The following HNF4G variants were observed in gnomAD, a reference collection of about 807,000 sequenced individuals.
The protein encoded by HNF4G is hepatocyte nuclear factor 4-gamma.
HNF4G carries 21 observed loss-of-function variants against 50.9 expected under a neutral mutation model. The observed-to-expected ratio is 0.41, with a 90% CI of 0.29 to 0.59. HNF4G has a LOEUF of 0.59. Among genes scored for constraint, HNF4G ranks in the 20% least tolerant of loss-of-function variants. The pLI, the probability that HNF4G is intolerant of heterozygous loss-of-function variation, is 0.26. For synonymous variants in HNF4G, 198 were observed against 185.6 expected, an observed-to-expected ratio of 1.07 and a Z score of -0.54; for missense variants, 527 against 559.4, an observed-to-expected ratio of 0.94 and a Z score of 0.58.
At chr8:75,502,129 G>T (rs1027388370) in intron 2 of HNF4G, among the ~76,000 whole-genome samples, 1 of 152,104 alleles carries the variant, frequency 6.6e-6, no homozygotes, top group African/African-American at 2.4e-5. Flanking sequence ...GGGATTACAG[G>T]CGTGAGCCAC....
At chr8:75,442,494 A>G (rs1229021232) in intron 1 of HNF4G, among the ~76,000 whole-genome samples, 2 of 152,112 alleles carry the variant, frequency 1.3e-5, no homozygotes, top group East Asian at 3.9e-4. Context: ...GGATCACTGA[A>G]CCCCAGGAAG....
chr8:75,535,662 C>G (rs998611708), upstream of HNF4G, among the ~76,000 whole-genome samples: 25 of 151,754 alleles, frequency 1.6e-4, no homozygotes, highest in African/African-American at 6.0e-4. Flanking sequence ...ATTTTCTTAA[C>G]TCTATTTTAC....
At chr8:75,445,105 A>G (rs1200177304) in intron 1 of HNF4G, among the ~76,000 whole-genome samples, 20 of 145,678 alleles carry the variant, frequency 1.4e-4, no homozygotes, top group Admixed American at 8.3e-4. Context: ...CAATCAAACT[A>G]GAACTCAGGA....
intron 2 of HNF4G, 130 bp downstream of exon 2, chr8:75,544,109 A>G (rs1267148657): frequency 1.4e-6 from 1 of 723,728 alleles, no homozygotes; most frequent in Admixed American, 2.8e-5. Flanking sequence ...AAACTGCGGT[A>G]CAAGTAAGAA....
chr8:75,459,211 T>C (rs539081617), intron 1 of HNF4G, among the ~76,000 whole-genome samples: 1 of 152,304 alleles, frequency 6.6e-6, no homozygotes, highest in Non-Finnish European at 1.5e-5. Context: ...TAAAATTTAA[T>C]AGAATGTTAG....
At chr8:75,501,955 C>A (rs190799024) in intron 2 of HNF4G, among the ~76,000 whole-genome samples, 1 of 151,588 alleles carries the variant, frequency 6.6e-6, no homozygotes, top group African/African-American at 2.4e-5. Context: ...CGGGTTCAAG[C>A]GATTCTCCTG....
chr8:75,543,861 T>G lies in HNF4G; in HGVS notation c.169T>G (p.Cys57Gly). Residue 57 changes from cysteine to glycine, a missense_variant, in exon 2 of 10, where the codon TGT becomes GGT. Physicochemically the swap from Cys to Gly is radical, Grantham distance 159 (BLOSUM62 -3). Transcript: ENST00000396423. The part of the protein sequence containing the change: ...SMNTTDNGVN[C>G]LCAICGDRAT... ...GAATACCACAGACAACGGTGTCAAC[T>G]GTCTGTGTGCTATCTGTGGGGACAG... is the stretch of plus-strand genomic sequence containing the variant. The G allele has an allele frequency of 3.7e-6, 6 of 1,613,834 alleles. No individual in the cohort carries two copies. The highest frequency in any genetic ancestry group is 5.1e-6 in the Non-Finnish European group (6 of 1,179,828).
Position 75,563,994 on chromosome 8 carries a change from CCCTT to C in HNF4G, c.1269_1272del (p.Ser424HisfsTer12). On this transcript the variant is annotated frameshift_variant, in exon 10 of 10. Transcript: ENST00000396423. LOFTEE classifies it high-confidence loss of function. ...TTTCAGCAACTCCTGAAACCCCACT[CCCTT>C]CCCCACCACAAGGCTCTGGGCAAGA... 5 of 1,613,706 alleles carry C rather than the reference CCCTT, an allele frequency of 3.1e-6. No individual in the cohort carries two copies. The highest frequency in any genetic ancestry group is 4.2e-6 in the Non-Finnish European group (5 of 1,179,690).
intron 1 of HNF4G, among the ~76,000 whole-genome samples, chr8:75,454,483 A>T (rs970227927): frequency 6.6e-6 from 1 of 152,220 alleles, no homozygotes. Context: ...GTAAGCACAC[A>T]GTAGTCCACT....
chr8:75,545,239 A>ATGTGTGTGTGTGTGTGTG (rs57486410), intron 2 of HNF4G, among the ~76,000 whole-genome samples: 78 of 145,590 alleles, frequency 5.4e-4, no homozygotes, highest in African/African-American at 1.0e-3. Flanking sequence ...TTAAAATTGA[A>ATGTGTGTGTGTGTGTGTG]TGTGTGTGTG....
chr8:75,497,442 T>C (rs1261148876), intron 2 of HNF4G, among the ~76,000 whole-genome samples: 4 of 152,078 alleles, frequency 2.6e-5, no homozygotes, highest in Non-Finnish European at 4.4e-5. Context: ...TCCCAACACT[T>C]TGGGAGGCCG....
At chr8:75,512,581 C>T (rs1027085694) in intron 2 of HNF4G, among the ~76,000 whole-genome samples, 6 of 151,930 alleles carry the variant, frequency 3.9e-5, no homozygotes, top group African/African-American at 1.5e-4. Flanking sequence ...TCTCCTGACT[C>T]GGCCTCTGGA....
At chr8:75,558,460 C>T in intron 6 of HNF4G, 58 bp from the exon 7 acceptor site, 1 of 1,526,932 alleles carries the variant, frequency 6.5e-7, no homozygotes, top group Non-Finnish European at 8.9e-7. Context: ...ACAGTGCTGA[C>T]AATTTGGGGA....
chr8:75,557,885 T>A (rs915601684), intron 6 of HNF4G, among the ~76,000 whole-genome samples: 23 of 152,278 alleles, frequency 1.5e-4, no homozygotes, highest in Admixed American at 5.2e-4. Flanking sequence ...GTTAGAAAGA[T>A]CTTTAGGGAA....
chr8:75,479,624 G>A (rs1163188894), intron 1 of HNF4G, among the ~76,000 whole-genome samples: 2 of 149,770 alleles, frequency 1.3e-5, no homozygotes, highest in Non-Finnish European at 3.0e-5. Context: ...AAGAAATAGC[G>A]ATGCTGTGAA....
At chr8:75,514,354 C>CTT (rs36078375) in intron 2 of HNF4G, among the ~76,000 whole-genome samples, 8 of 125,024 alleles carry the variant, frequency 6.4e-5, no homozygotes, top group Non-Finnish European at 8.2e-5. Flanking sequence ...TTTCTTCTTT[C>CTT]TTTTTTTTTT....
At chr8:75,464,349 T>C (rs563614561) in intron 1 of HNF4G, among the ~76,000 whole-genome samples, 2 of 152,368 alleles carry the variant, frequency 1.3e-5, no homozygotes, top group South Asian at 4.1e-4. Flanking sequence ...TTTATTTGAT[T>C]TTGAAAGTTT....
chr8:75,550,832 CCATGGTA>C (rs1027166602), intron 3 of HNF4G, among the ~76,000 whole-genome samples: 1 of 152,026 alleles, frequency 6.6e-6, no homozygotes, highest in Non-Finnish European at 1.5e-5. Context: ...AGAGACTGCT[CCATGGTA>C]CATCTTTTGC....
intron 3 of HNF4G, among the ~76,000 whole-genome samples, chr8:75,548,283 C>T (rs1254229234): frequency 1.3e-5 from 2 of 152,164 alleles, no homozygotes; most frequent in East Asian, 3.9e-4. Flanking sequence ...CCACACCTGA[C>T]ACAAATGTAT....
Sources: allele counts gnomAD v4.1 joint callset (sites outside exome capture counted in the v4.1 genomes callset), GRCh38; gene constraint gnomAD v4.1.1; transcripts MANE v1.5; gene names NCBI Gene and HGNC (gene_info 2026-07-23, HGNC 2026-07-21).